The following TMTC2 variants were observed in gnomAD, a reference collection of about 807,000 sequenced individuals.
The protein encoded by TMTC2 is protein O-mannosyl-transferase TMTC2.
A neutral mutation model predicts 82.4 loss-of-function variants in TMTC2; 43 were observed. That is an observed-to-expected ratio of 0.52 (90% CI 0.41 to 0.67). TMTC2 has a LOEUF of 0.67. TMTC2 is among the 30% of genes least tolerant of loss of function. TMTC2 has a pLI of 0.00. For missense variants in TMTC2, 919 were observed against 1,012.4 expected (o/e 0.91, Z 1.25); for synonymous variants, 408 against 381.9 (o/e 1.07, Z -0.80).
At chr12:82,725,907 C>T (rs1345095803) in intron 1 of TMTC2, among the ~76,000 whole-genome samples, 1 of 152,032 alleles carries the variant, frequency 6.6e-6, no homozygotes, top group Admixed American at 6.6e-5. Context: ...TAGTGGCTGC[C>T]CTTAGAGGTG....
chr12:83,132,351 A>G lies in TMTC2; in HGVS notation c.2473A>G (p.Ile825Val), dbSNP rs1885287419. 1.2e-6 allele frequency: 2 copies of G among 1,613,952 alleles called. No homozygotes were observed. Among genetic ancestry groups the G allele is most frequent in the South Asian group, 1.1e-5 (1 of 91,064 alleles). ...TQSNLRKLWNIMEKQGLKTSK... is the reference protein window; with the variant it reads ...TQSNLRKLWNVMEKQGLKTSK... ...GTCCAATCTCCGCAAACTGTGGAAC[A>G]TCATGGAAAAACAAGGCTTAAAGAC... Residue 825 changes from isoleucine (I) to valine (V), a missense_variant, in exon 12 of 12, where the codon ATC becomes GTC. By Grantham distance (29) the Ile-to-Val change is conservative. Transcript: ENST00000321196.
rs187374609 is a variant in TMTC2, at chr12:83,024,209, T to C, written c.2071-6589T>C. Among the ~76,000 whole-genome samples, 1,034 of 152,314 alleles carry C rather than the reference T, an allele frequency of 6.8e-3. 9 individuals carry two copies. The highest frequency in any genetic ancestry group is 0.011 in the Non-Finnish European group (758 of 68,014). Reference sequence around the variant, plus strand: ...ATATGGAATATCACATGTAACAGAATGTCACATGTAACACATAAATATGTA... The same window carrying C: ...ATATGGAATATCACATGTAACAGAACGTCACATGTAACACATAAATATGTA... On this transcript the variant is annotated intron_variant, in intron 8 of 11. Transcript: ENST00000321196.
At chr12:83,060,555 C>A (rs1882704194) in intron 10 of TMTC2, among the ~76,000 whole-genome samples, 1 of 151,652 alleles carries the variant, frequency 6.6e-6, no homozygotes, top group South Asian at 2.1e-4. Flanking sequence ...ACTGCAGGAC[C>A]CCCAGCCATT....
intron 1 of TMTC2, among the ~76,000 whole-genome samples, chr12:82,707,467 G>T (rs753866581): frequency 1.3e-5 from 2 of 152,202 alleles, no homozygotes; most frequent in Non-Finnish European, 2.9e-5. Flanking sequence ...CCTCTTGCTT[G>T]TCTGAACCAA....
chr12:83,010,775 A>T (rs151093336), intron 8 of TMTC2, among the ~76,000 whole-genome samples: 4 of 152,126 alleles, frequency 2.6e-5, no homozygotes, highest in Admixed American at 1.3e-4. Context: ...TTATTTTCCC[A>T]TCGCACAAGG....
chr12:82,759,191 G>A (rs1028334259), intron 1 of TMTC2: 1 of 152,170 alleles, frequency 6.6e-6, no homozygotes, highest in Non-Finnish European at 1.5e-5. Context: ...AAGCAAATCT[G>A]GTTCACATCT....
chr12:83,120,632 G>T (rs1884918001), intron 11 of TMTC2, among the ~76,000 whole-genome samples: 1 of 152,132 alleles, frequency 6.6e-6, no homozygotes, highest in Admixed American at 6.5e-5. Flanking sequence ...GTGTGCCTAG[G>T]TGATGATCTG....
chr12:82,876,167 T>C (rs1316570246), intron 2 of TMTC2, among the ~76,000 whole-genome samples: 2 of 148,858 alleles, frequency 1.3e-5, no homozygotes, highest in African/African-American at 5.0e-5. Flanking sequence ...GTGGTGGTAG[T>C]GTTGTTGATC....
At chr12:82,838,784 GTT>G (rs201941481) in intron 1 of TMTC2, among the ~76,000 whole-genome samples, 9 of 135,226 alleles carry the variant, frequency 6.7e-5, no homozygotes, top group Admixed American at 2.2e-4. Flanking sequence ...ATTTTTTCTT[GTT>G]TTTTTTTTTT....
chr12:82,723,615 G>T (rs1289716422), intron 1 of TMTC2, among the ~76,000 whole-genome samples: 1 of 152,144 alleles, frequency 6.6e-6, no homozygotes, highest in Non-Finnish European at 1.5e-5. Flanking sequence ...AACTGTACCT[G>T]CATTTTGACT....
intron 7 of TMTC2, among the ~76,000 whole-genome samples, chr12:82,984,493 G>T (rs1879070451): frequency 1.3e-5 from 2 of 152,046 alleles, no homozygotes; most frequent in African/African-American, 2.4e-5. Flanking sequence ...AAAGGAATGA[G>T]TTCTTCCTTT....
chr12:82,845,252 A>AATATATATATAT (rs1555190263), intron 1 of TMTC2, among the ~76,000 whole-genome samples: 17 of 38,806 alleles, frequency 4.4e-4, no homozygotes, highest in African/African-American at 1.6e-3. Flanking sequence ...AAAAAAAAAA[A>AATATATATATAT]ATATATATAT....
chr12:82,735,987 A>G lies in TMTC2; in HGVS notation c.83+48318A>G, dbSNP rs977034271. Among the ~76,000 whole-genome samples, 32 of 122,730 alleles carry G rather than the reference A, an allele frequency of 2.6e-4. No individual in the cohort carries two copies. In the South Asian group the frequency reaches 4.8e-3, roughly 19 times the overall value. The allele number at this position is 122,730 out of a possible 152,430, so 80.5% of individuals were successfully genotyped here. ...GACTCCGTCACACACACACACACAC[A>G]CACACACACACACACAATTATCTTG... On this transcript the variant is annotated intron_variant, in intron 1 of 11. Transcript: ENST00000321196.
intron 1 of TMTC2, chr12:82,758,585 T>A (rs1033253066): frequency 1.3e-5 from 2 of 152,190 alleles, no homozygotes; most frequent in Non-Finnish European, 2.9e-5. Context: ...TTATAAATTT[T>A]GTAAAATTAT....
intron 9 of TMTC2, among the ~76,000 whole-genome samples, chr12:83,040,750 A>G (rs1881861167): frequency 7.2e-6 from 1 of 139,458 alleles, no homozygotes. Flanking sequence ...CAGTGGCACT[A>G]TCTCTGCTCA....
At chr12:82,964,471 G>C (rs2065653556) in intron 4 of TMTC2, among the ~76,000 whole-genome samples, 1 of 152,058 alleles carries the variant, frequency 6.6e-6, no homozygotes, top group Admixed American at 6.6e-5. Context: ...TCAAGAAAAG[G>C]GTGATGTTGA....
At chr12:82,846,908 T>C (rs74552277) in intron 1 of TMTC2, among the ~76,000 whole-genome samples, 4,067 of 152,224 alleles carry the variant, frequency 0.027, 79 homozygotes, top group Non-Finnish European at 0.037. Flanking sequence ...GGAAAAGTGT[T>C]ACCAGTGTAA....
intron 11 of TMTC2, among the ~76,000 whole-genome samples, chr12:83,117,372 CA>C (rs894875996): frequency 2.6e-5 from 4 of 152,174 alleles, no homozygotes; most frequent in Admixed American, 6.5e-5. Flanking sequence ...AAATCCTTAA[CA>C]AAATACTAGC....
intron 1 of TMTC2, among the ~76,000 whole-genome samples, chr12:82,828,974 C>T (rs563794106): frequency 6.6e-6 from 1 of 152,046 alleles, no homozygotes; most frequent in Non-Finnish European, 1.5e-5. Flanking sequence ...GGTAATTTGA[C>T]ACTGTTATAG....
Sources: allele counts gnomAD v4.1 joint callset (sites outside exome capture counted in the v4.1 genomes callset), GRCh38; gene constraint gnomAD v4.1.1; transcripts MANE v1.5; gene names NCBI Gene and HGNC (gene_info 2026-07-23, HGNC 2026-07-21).